TENM4: variants seen among roughly 807,000 people sequenced by gnomAD.
TENM4 encodes teneurin-4.
Under a neutral mutation model 243.3 loss-of-function variants are expected in TENM4, and 82 were observed. That is an observed-to-expected ratio of 0.34 (90% CI 0.28 to 0.40). The LOEUF is 0.40. Ranked by LOEUF, TENM4 falls within the 10% of genes least tolerant of loss-of-function variation. The pLI is 1.00. For missense variants in TENM4, 3,138 were observed against 3,673.3 expected (o/e 0.85, Z 3.77); for synonymous variants, 1,412 against 1,456.3 (o/e 0.97, Z 0.69).
At chr11:78,869,180 T>G (rs1338149112) in intron 9 of TENM4, among the ~76,000 whole-genome samples, 1 of 150,756 alleles carries the variant, frequency 6.6e-6, no homozygotes, top group Non-Finnish European at 1.5e-5. Context: ...GGAGAACGAC[T>G]TAGCTAACTT....
intron 6 of TENM4, among the ~76,000 whole-genome samples, chr11:78,998,182 C>T (rs1032215122): frequency 1.3e-5 from 2 of 152,202 alleles, no homozygotes; most frequent in Non-Finnish European, 2.9e-5. Flanking sequence ...GTCAATGGAA[C>T]CACACCCAGG....
chr11:79,097,515 G>T lies in TENM4; in HGVS notation c.-65-27506C>A, dbSNP rs946923408. 3.3e-5 allele frequency: 5 copies of T among 152,118 alleles called. No individual in the cohort carries two copies. The East Asian group carries it at 9.6e-4, about 29-fold the overall frequency. 9.4% of individuals were successfully genotyped at this position (152,118 alleles called of 1,614,324 possible). ...AAGTTCAGCTTGCTTCCTCCAGCAC[G>T]CACATTTGGAAATTGAAATTTCCCA... On this transcript the variant is annotated intron_variant, in intron 4 of 33. Coordinates refer to ENST00000278550, the MANE Select transcript of TENM4 (RefSeq NM_001098816.3).
intron 9 of TENM4, among the ~76,000 whole-genome samples, chr11:78,886,842 A>T (rs555187689): frequency 2.0e-5 from 3 of 152,228 alleles, no homozygotes; most frequent in Non-Finnish European, 4.4e-5. Context: ...CTTGGCAAGG[A>T]CACACTATCA....
At chr11:78,729,745 G>A in intron 21 of TENM4, 102 bp from the exon 22 acceptor site, 2 of 1,445,546 alleles carry the variant, frequency 1.4e-6, no homozygotes. Flanking sequence ...GGAGGTAGAG[G>A]GAAAGGCAGA....
At chr11:79,218,201 C>T (rs1864089489) in intron 2 of TENM4, among the ~76,000 whole-genome samples, 1 of 151,848 alleles carries the variant, frequency 6.6e-6, no homozygotes, top group African/African-American at 2.4e-5. Context: ...TTTTATTACC[C>T]TGCCTTGTTC....
At chr11:79,163,839 A>C (rs1421681417) in intron 3 of TENM4, among the ~76,000 whole-genome samples, 1 of 146,388 alleles carries the variant, frequency 6.8e-6, no homozygotes, top group African/African-American at 2.5e-5. Context: ...GTACATATAT[A>C]TTATATATAC....
At chr11:78,744,835 A>T (rs1227300017) in intron 19 of TENM4, among the ~76,000 whole-genome samples, 2 of 152,174 alleles carry the variant, frequency 1.3e-5, no homozygotes, top group Non-Finnish European at 2.9e-5. Flanking sequence ...GATAATTTTG[A>T]CTCTTTAAGT....
rs59660398 is a variant in TENM4 at position 78,676,311 on chromosome 11, C to T, written c.5337G>A (p.Ala1779=). ...RLLLANGMEV[A]LQTEPHLLAG... ...CCAGCAAGTGGGGCTCAGTCTGCAGCGCCACCTCCATGCCGTTGGCCAGCA... is the reference window on the plus strand; with the variant it reads ...CCAGCAAGTGGGGCTCAGTCTGCAGTGCCACCTCCATGCCGTTGGCCAGCA... Residue 1779 remains alanine (A), a synonymous_variant, in exon 30 of 34, where the codon GCG becomes GCA. Transcript: ENST00000278550. 0.011 allele frequency: 17,557 copies of T among 1,612,410 alleles called. 1,589 individuals are homozygous for T. The African/African-American group carries it at 0.2, about 19-fold the overall frequency.
Position 78,676,185 on chromosome 11 carries a change from C to T in TENM4, c.5463G>A (p.Arg1821=), listed in dbSNP as rs1858467475. The T allele has an allele frequency of 1.3e-6, 2 of 1,546,408 alleles. No homozygotes were observed. Among genetic ancestry groups the T allele is most frequent in the African/African-American group, 1.4e-5 (1 of 73,368 alleles). ...GGCGCCCAAAGACAGTGACCTGGCCCCGAGCCTGCTCTTTGCGCTGGCGCC... is the reference window on the plus strand; with the variant it reads ...GGCGCCCAAAGACAGTGACCTGGCCTCGAGCCTGCTCTTTGCGCTGGCGCC... The part of the protein sequence containing the change: ...VEWRQRKEQA[R]GQVTVFGRRL... The change falls in exon 30 of 34, where the codon CGG becomes CGA. Residue 1821 remains arginine, a synonymous_variant. Transcript: ENST00000278550.
intron 9 of TENM4, among the ~76,000 whole-genome samples, chr11:78,886,500 C>T (rs985628962): frequency 1.3e-5 from 2 of 152,248 alleles, no homozygotes; most frequent in African/African-American, 2.4e-5. Flanking sequence ...TGCACACCTG[C>T]AACGCGTTCA....
intron 25 of TENM4, among the ~76,000 whole-genome samples, chr11:78,719,400 T>TTATA (rs1555070224): frequency 6.6e-6 from 1 of 151,484 alleles, no homozygotes; most frequent in Admixed American, 6.6e-5. Context: ...ATTTACTACT[T>TTATA]ATAAATATAT....
In TENM4 at chr11:79,033,327, G is replaced by C. The variant is rs1408250342; in HGVS notation, c.493+31411C>G. Among the ~76,000 whole-genome samples the C allele has an allele frequency of 2.0e-5, 3 of 152,158 alleles. No individual in the cohort carries two copies. The East Asian group carries it at 5.8e-4, about 29-fold the overall frequency. On this transcript the variant is annotated intron_variant, in intron 6 of 33. Transcript: ENST00000278550. ...TTCCTAGGGGAAAATGTGCACACCA[G>C]AGGAGAAATGGGGTATGTGTGCTGG...
Position 78,688,047 on chromosome 11 carries a change from G to A in TENM4, c.5260+7C>T. On this transcript the variant is annotated splice_region_variant and intron_variant, in intron 29 of 33. Coordinates refer to ENST00000278550, the MANE Select transcript of TENM4 (RefSeq NM_001098816.3). ...CCTCAAAGTCCCCTGGCCCCCACCTGACTTACCTTGCAGCAGTGTGTAGAA... is the reference window on the plus strand; with the variant it reads ...CCTCAAAGTCCCCTGGCCCCCACCTAACTTACCTTGCAGCAGTGTGTAGAA... 3 of 1,613,142 alleles carry A rather than the reference G, an allele frequency of 1.9e-6. No individual in the cohort carries two copies. The highest frequency in any genetic ancestry group is 1.1e-5 in the South Asian group (1 of 90,850).
Position 78,729,415 on chromosome 11 carries a change from C to G in TENM4, c.3367G>C (p.Val1123Leu). Reference sequence around the variant, plus strand: ...AGCCCAAACACCTTCTGGTTGTAGACGTCTGTCTTGTCCCAAATGAAATAA... The same window carrying G: ...AGCCCAAACACCTTCTGGTTGTAGAGGTCTGTCTTGTCCCAAATGAAATAA... ...SYYFIWDKTD[V>L]YNQKVFGLSE... is the part of the protein sequence containing the mutation. Residue 1123 changes from valine (V) to leucine (L), a missense_variant, in exon 22 of 34, where the codon GTC (valine) becomes CTC (leucine). Val to Leu is a conservative substitution (Grantham distance 32). This residue lies in a region of TENM4 where 2,467 missense variants were observed against 3,059.1 expected (regional missense o/e 0.81). Coordinates refer to ENST00000278550, the MANE Select transcript of TENM4 (RefSeq NM_001098816.3). 6.3e-7 allele frequency: 1 copy of G among 1,588,090 alleles called. No individual in the cohort carries two copies. Among genetic ancestry groups the G allele is most frequent in the Non-Finnish European group, 8.6e-7 (1 of 1,166,300 alleles).
chr11:78,793,264 G>A (rs1222047797), intron 15 of TENM4, among the ~76,000 whole-genome samples: 2 of 152,134 alleles, frequency 1.3e-5, no homozygotes, highest in African/African-American at 4.8e-5. Context: ...CAAGTAGGGG[G>A]TAGAAGGGCC....
At chr11:78,736,407 T>C (rs1053510475) in intron 20 of TENM4, among the ~76,000 whole-genome samples, 10 of 152,108 alleles carry the variant, frequency 6.6e-5, no homozygotes, top group African/African-American at 1.9e-4. Flanking sequence ...TTTCTGTTTG[T>C]AAGCTCCTGT....
At chr11:79,138,330 T>TATATATATAA (rs1473021044) in intron 4 of TENM4, among the ~76,000 whole-genome samples, 3 of 116,590 alleles carry the variant, frequency 2.6e-5, no homozygotes, top group African/African-American at 7.1e-5. Context: ...TATATATATA[T>TATATATATAA]TATATATATA....
At chr11:78,796,717 C>T (rs1857168452) in intron 15 of TENM4, among the ~76,000 whole-genome samples, 1 of 152,138 alleles carries the variant, frequency 6.6e-6, no homozygotes, top group Non-Finnish European at 1.5e-5. Flanking sequence ...TCATCTTTTC[C>T]CCCTCTCACT....
intron 5 of TENM4, among the ~76,000 whole-genome samples, chr11:79,069,483 C>T (rs1565190919): frequency 6.6e-6 from 1 of 152,200 alleles, no homozygotes. Flanking sequence ...TCCTAACCAC[C>T]TCACTATGCC....
Sources: allele counts gnomAD v4.1 joint callset (sites outside exome capture counted in the v4.1 genomes callset), GRCh38; gene constraint gnomAD v4.1.1; regional missense constraint gnomAD v4.1.1; transcripts MANE v1.5; gene names NCBI Gene and HGNC (gene_info 2026-07-23, HGNC 2026-07-21).